The following AJAP1 variants were observed in gnomAD, a reference collection of about 807,000 sequenced individuals.
AJAP1 encodes adherens junction-associated protein 1.
AJAP1 carries 5 observed loss-of-function variants against 35.0 expected under a neutral mutation model. The ratio of observed to expected loss-of-function variants is 0.14; its 90% CI spans 0.07 to 0.30. The LOEUF (loss-of-function observed/expected upper bound fraction) is 0.30. Ranked by LOEUF, AJAP1 falls within the 10% of genes least tolerant of loss-of-function variation. The pLI, the probability that AJAP1 is intolerant of heterozygous loss-of-function variation, is 1.00. For synonymous variants in AJAP1, 284 were observed against 249.3 expected, an observed-to-expected ratio of 1.14 and a Z score of -1.31; for missense variants, 586 against 571.0, an observed-to-expected ratio of 1.03 and a Z score of -0.27.
intron 5 of AJAP1, among the ~76,000 whole-genome samples, chr1:4,779,346 T>C (rs552828752): frequency 8.3e-4 from 126 of 151,642 alleles, no homozygotes; most frequent in African/African-American, 2.8e-3. Flanking sequence ...TTTTCTTTTT[T>C]TTTTTTTGAG....
At chr1:4,775,885 A>G (rs1042204151) in intron 5 of AJAP1, among the ~76,000 whole-genome samples, 1 of 152,142 alleles carries the variant, frequency 6.6e-6, no homozygotes, top group Non-Finnish European at 1.5e-5. Flanking sequence ...TCCCCTCATG[A>G]AGGGAGCCCC....
chr1:4,716,696 T>A (rs1640399085), intron 2 of AJAP1, among the ~76,000 whole-genome samples: 1 of 151,598 alleles, frequency 6.6e-6, no homozygotes. Context: ...GTGGTGATGA[T>A]GGTGGTGATA....
intron 1 of AJAP1, among the ~76,000 whole-genome samples, chr1:4,696,531 G>A (rs1317274568): frequency 6.6e-6 from 1 of 152,324 alleles, no homozygotes; most frequent in African/African-American, 2.4e-5. Flanking sequence ...GCAGCTGTAT[G>A]CCGGGCTGCA....
chr1:4,663,656 A>G (rs1639052113), intron 1 of AJAP1, among the ~76,000 whole-genome samples: 1 of 151,232 alleles, frequency 6.6e-6, no homozygotes. Context: ...TCTCGGCTCA[A>G]CTGGCCCCAG....
At position 4,734,047 on chromosome 1, in the gene AJAP1, G is replaced by A. The variant is rs566729985; in HGVS notation, c.829+21348G>A. ...ATTAGCGGCTTTTGTAAGCGATCAC[G>A]TACCGAGTATTGACTTGGCTCAGCC... On this transcript the variant is annotated intron_variant, in intron 2 of 5. Coordinates refer to ENST00000378191, the MANE Select transcript of AJAP1 (RefSeq NM_018836.4). The surrounding 1 kb of genome is among the most constrained non-coding windows in gnomAD (Gnocchi z 4.3). Among the ~76,000 whole-genome samples the A allele has an allele frequency of 7.2e-5, 11 of 152,312 alleles. No individual in the cohort carries two copies. The highest frequency in any genetic ancestry group is 2.1e-4 in the South Asian group (1 of 4,828).
At position 4,711,893 on chromosome 1, in the gene AJAP1, C is replaced by G. The variant is rs755006298; in HGVS notation, c.30-7C>G. On this transcript the variant is annotated splice_polypyrimidine_tract_variant and splice_region_variant and intron_variant, in intron 1 of 5. Transcript: ENST00000378191. The stretch of plus-strand genomic sequence containing the variant: ...GACCGCTCTTCTCTCCTTTCCCCCC[C>G]GCACAGCTCCATGTCCATCCGCTGG... The G allele has an allele frequency of 1.0e-4, 150 of 1,474,866 alleles. No homozygotes were observed. The highest frequency in any genetic ancestry group is 1.2e-4 in the Non-Finnish European group (131 of 1,115,332). The allele number at this position is 1,474,866 out of a possible 1,614,324, so 91.4% of individuals were successfully genotyped here.
At chr1:4,759,065 C>A (rs1412364555) in intron 2 of AJAP1, among the ~76,000 whole-genome samples, 1 of 152,210 alleles carries the variant, frequency 6.6e-6, no homozygotes, top group Non-Finnish European at 1.5e-5. Flanking sequence ...TGACCCGTGA[C>A]TGTTTCTGTC....
chr1:4,767,848 G>A lies in AJAP1; in HGVS notation c.830-2005G>A, dbSNP rs565250971. On this transcript the variant is annotated intron_variant, in intron 2 of 5. Transcript: ENST00000378191. The stretch of plus-strand genomic sequence containing the variant: ...CTTGACTGGGCCAGAGGGAGTGTGT[G>A]GGTAGAGAGCAAGAGGAGACTGAAC... Among the ~76,000 whole-genome samples the A allele has an allele frequency of 5.3e-5, 8 of 152,298 alleles. No individual in the cohort carries two copies. In the East Asian group the frequency reaches 1.5e-3, roughly 29 times the overall value.
intron 2 of AJAP1, among the ~76,000 whole-genome samples, chr1:4,753,975 G>C (rs1641374387): frequency 2.0e-5 from 3 of 152,100 alleles, no homozygotes; most frequent in Non-Finnish European, 4.4e-5. Flanking sequence ...TTGTTCGCTT[G>C]GTTCTGTCCC....
In AJAP1 at chr1:4,734,682, C is replaced by T. The variant is rs1193197086; in HGVS notation, c.829+21983C>T. ...ACTGCACTGGATGGGGCTGGAGTGGCACCTGTGGGCGATGCTGAATATGAT... is the reference window on the plus strand; with the variant it reads ...ACTGCACTGGATGGGGCTGGAGTGGTACCTGTGGGCGATGCTGAATATGAT... On this transcript the variant is annotated intron_variant, in intron 2 of 5. Coordinates refer to ENST00000378191, the MANE Select transcript of AJAP1 (RefSeq NM_018836.4). The surrounding 1 kb of genome is among the most constrained non-coding windows in gnomAD (Gnocchi z 4.3). Among the ~76,000 whole-genome samples the T allele has an allele frequency of 3.9e-5, 6 of 152,132 alleles. No individual in the cohort carries two copies. Among genetic ancestry groups the T allele is most frequent in the African/African-American group, 7.2e-5 (3 of 41,416 alleles).
rs1489477308 is a variant in AJAP1, at chr1:4,783,545, GTT to G, written c.*1062_*1063del. 1.5e-4 allele frequency: 17 copies of G among 111,450 alleles called. No individual in the cohort carries two copies. Among genetic ancestry groups the G allele is most frequent in the African/African-American group, 5.2e-4 (15 of 29,094 alleles). The allele number at this position is 111,450 out of a possible 1,614,324, so 6.9% of individuals were successfully genotyped here. On this transcript the variant is annotated 3_prime_UTR_variant, in exon 6 of 6. Transcript: ENST00000378191. ...TGTATATATATATATATATATATAT[GTT>G]TGTGTGTGTATATATATGTTTGTGT...
At chr1:4,721,464 C>T (rs1287249222) in intron 2 of AJAP1, among the ~76,000 whole-genome samples, 1 of 152,254 alleles carries the variant, frequency 6.6e-6, no homozygotes, top group Non-Finnish European at 1.5e-5. Context: ...AAAGCCATGA[C>T]AGGCTGGACG....
intron 2 of AJAP1, among the ~76,000 whole-genome samples, chr1:4,716,705 T>TGATGGTGGTG (rs372896751): frequency 8.6e-5 from 13 of 151,226 alleles, no homozygotes; most frequent in African/African-American, 3.2e-4. Flanking sequence ...ATGGTGGTGA[T>TGATGGTGGTG]AGAGAGATGA....
chr1:4,674,150 A>G (rs1639311831), intron 1 of AJAP1, among the ~76,000 whole-genome samples: 1 of 151,618 alleles, frequency 6.6e-6, no homozygotes, highest in South Asian at 2.1e-4. Flanking sequence ...CGATTTCCAG[A>G]GACTGCAAAT....
intron 5 of AJAP1, 121 bp downstream of exon 5, chr1:4,774,679 G>A: frequency 1.6e-6 from 1 of 611,514 alleles, no homozygotes; most frequent in South Asian, 2.0e-5. Context: ...GATTTCCAAT[G>A]GCATCACTTC....
At chr1:4,774,970 C>G (rs989188290) in intron 5 of AJAP1, among the ~76,000 whole-genome samples, 1 of 152,028 alleles carries the variant, frequency 6.6e-6, no homozygotes, top group Non-Finnish European at 1.5e-5. Context: ...AGGAATCGCA[C>G]CTCCATCACA....
chr1:4,696,127 A>G (rs1337724290), intron 1 of AJAP1, among the ~76,000 whole-genome samples: 1 of 152,096 alleles, frequency 6.6e-6, no homozygotes, highest in East Asian at 1.9e-4. Flanking sequence ...GCCAACCAGA[A>G]CTTGAGACGC....
intron 2 of AJAP1, among the ~76,000 whole-genome samples, chr1:4,732,751 C>G (rs1245988207): frequency 6.6e-6 from 1 of 152,224 alleles, no homozygotes; most frequent in Non-Finnish European, 1.5e-5. Context: ...CCTCAGTGGG[C>G]TCCTTAATAC....
chr1:4,781,853 C>T (rs114628353), intron 5 of AJAP1, among the ~76,000 whole-genome samples: 2,255 of 152,286 alleles, frequency 0.015, 49 homozygotes, highest in African/African-American at 0.043. Flanking sequence ...TTCCATTTTC[C>T]GAGGCTCGGG....
Sources: allele counts gnomAD v4.1 joint callset (sites outside exome capture counted in the v4.1 genomes callset), GRCh38; gene constraint gnomAD v4.1.1; non-coding constraint Gnocchi (gnomAD v3.1); transcripts MANE v1.5; gene names NCBI Gene and HGNC (gene_info 2026-07-23, HGNC 2026-07-21).